PTK2: variants seen among roughly 807,000 people sequenced by gnomAD.
The protein encoded by PTK2 is focal adhesion kinase 1.
Under a neutral mutation model 150.1 loss-of-function variants are expected in PTK2, and 45 were observed. The ratio of observed to expected loss-of-function variants is 0.30; its 90% CI spans 0.24 to 0.38. The LOEUF is 0.38. Among genes scored for constraint, PTK2 ranks in the 10% least tolerant of loss-of-function variants. The pLI is 1.00. For synonymous variants in PTK2, 432 were observed against 449.2 expected, an observed-to-expected ratio of 0.96 and a Z score of 0.48; for missense variants, 919 against 1,307.3, an observed-to-expected ratio of 0.70 and a Z score of 4.58.
At chr8:140,955,578 TGAAA>T (rs1228314690) in intron 1 of PTK2, among the ~76,000 whole-genome samples, 1 of 151,468 alleles carries the variant, frequency 6.6e-6, no homozygotes, top group Non-Finnish European at 1.5e-5. Flanking sequence ...CAGGGAGAAA[TGAAA>T]GAAAAAGTAA....
intron 1 of PTK2, among the ~76,000 whole-genome samples, chr8:140,946,425 A>G (rs2100177726): frequency 2.0e-5 from 3 of 152,174 alleles, no homozygotes; most frequent in South Asian, 4.1e-4. Flanking sequence ...GAGAGAGAAA[A>G]TCCCTACCTA....
At chr8:140,779,863 G>C (rs2100080684) in intron 14 of PTK2, among the ~76,000 whole-genome samples, 1 of 152,024 alleles carries the variant, frequency 6.6e-6, no homozygotes, top group Non-Finnish European at 1.5e-5. Flanking sequence ...TGGGCATGAG[G>C]GTGTGGTGCT....
rs1417251195 is a variant in PTK2, at chr8:140,819,121, C to T, written c.649-101G>A. On this transcript the variant is annotated intron_variant, in intron 8 of 31. Coordinates refer to ENST00000522684, the Ensembl canonical transcript of PTK2. ...CTTTCCTACCAACTACTTACTAACA[C>T]CTACATTCAAATTACTGCCAAAAAG... 2.9e-5 allele frequency: 34 copies of T among 1,176,982 alleles called. No individual in the cohort carries two copies. The Admixed American group carries it at 6.3e-4, about 22-fold the overall frequency. The allele number at this position is 1,176,982 out of a possible 1,614,324, so 72.9% of individuals were successfully genotyped here.
chr8:140,890,853 C>T (rs758426086), intron 2 of PTK2, 84 bp from the exon 3 acceptor site: 48 of 1,151,762 alleles, frequency 4.2e-5, no homozygotes, highest in Non-Finnish European at 1.1e-5. Context: ...TATCAAATGT[C>T]CTATACTCTC....
At chr8:140,851,594 C>T (rs1335097889) in intron 5 of PTK2, among the ~76,000 whole-genome samples, 1 of 152,122 alleles carries the variant, frequency 6.6e-6, no homozygotes, top group Admixed American at 6.5e-5. Context: ...CATGGTGGCT[C>T]ACACCTGTAA....
chr8:140,754,281 T>C (rs2154526889), intron 16 of PTK2, among the ~76,000 whole-genome samples: 1 of 152,358 alleles, frequency 6.6e-6, no homozygotes, highest in East Asian at 1.9e-4. Context: ...GAATACCCTA[T>C]CTACTAAATG....
intron 4 of PTK2, among the ~76,000 whole-genome samples, chr8:140,869,675 C>A (rs909306748): frequency 6.6e-6 from 1 of 151,866 alleles, no homozygotes; most frequent in Non-Finnish European, 1.5e-5. Context: ...AATGGGCACA[C>A]CTCTAATTTA....
chr8:140,740,924 C>T lies in PTK2; in HGVS notation c.1736-1817G>A, dbSNP rs186637200. On this transcript the variant is annotated intron_variant, in intron 20 of 31. Coordinates refer to ENST00000522684, the Ensembl canonical transcript of PTK2. ...TTGGGAGGCCAAGGTGGGAAGATCG[C>T]TTGAGCCCATGAGTTCAAGACCAAT... Among the ~76,000 whole-genome samples, 7 of 150,830 alleles carry T rather than the reference C, an allele frequency of 4.6e-5. No individual in the cohort carries two copies. The East Asian group carries it at 1.4e-3, about 30-fold the overall frequency.
chr8:140,746,835 A>T (rs768063238), exon 18 of PTK2: 2 of 1,612,012 alleles, frequency 1.2e-6, no homozygotes, highest in Non-Finnish European at 8.5e-7. Context: ...TCACAATATG[A>T]GGATGGTCAA....
rs921224519 is a variant in PTK2 at position 140,702,505 on chromosome 8, C to T, written c.2367+65G>A. The T allele has an allele frequency of 7.0e-6, 11 of 1,564,510 alleles. No homozygotes were observed. In the African/African-American group the frequency reaches 1.5e-4, roughly 21 times the overall value. On this transcript the variant is annotated intron_variant, in intron 25 of 31. Coordinates refer to ENST00000522684, the Ensembl canonical transcript of PTK2. Reference sequence around the variant, plus strand: ...AAAGTGCTAGGATTACAAGTGTAAGCCACCATGCCCAGCTTTGCCATGCTT... The same window carrying T: ...AAAGTGCTAGGATTACAAGTGTAAGTCACCATGCCCAGCTTTGCCATGCTT...
intron 7 of PTK2, among the ~76,000 whole-genome samples, chr8:140,833,563 T>C (rs2100116832): frequency 6.6e-6 from 1 of 152,206 alleles, no homozygotes; most frequent in Admixed American, 6.5e-5. Flanking sequence ...CTCCATGATC[T>C]GTGTGTTTGG....
At chr8:140,975,250 C>T (rs993488992) in intron 1 of PTK2, among the ~76,000 whole-genome samples, 2 of 152,176 alleles carry the variant, frequency 1.3e-5, no homozygotes, top group African/African-American at 4.8e-5. Flanking sequence ...ACCTTCCTTA[C>T]TGATCTTGTG....
chr8:140,761,133 G>T, intron 16 of PTK2, 32 bp downstream of exon 19: 1 of 1,403,670 alleles, frequency 7.1e-7, no homozygotes, highest in Non-Finnish European at 1.0e-6. Flanking sequence ...GTCAAAATTA[G>T]TCTAGTTGTT....
intron 2 of PTK2, among the ~76,000 whole-genome samples, chr8:140,915,638 T>C (rs1429332819): frequency 6.6e-6 from 1 of 152,086 alleles, no homozygotes; most frequent in Non-Finnish European, 1.5e-5. Flanking sequence ...GGCTCACGCC[T>C]GTAATCCCAG....
chr8:140,804,058 GATTAA>G (rs2100096852), intron 10 of PTK2, among the ~76,000 whole-genome samples: 1 of 152,136 alleles, frequency 6.6e-6, no homozygotes, highest in Admixed American at 6.5e-5. Flanking sequence ...GGGGATCTGG[GATTAA>G]TCCCCATGCA....
Position 140,784,396 on chromosome 8 carries a change from A to G in PTK2, c.1177+5078T>C, listed in dbSNP as rs151039368. On this transcript the variant is annotated intron_variant, in intron 14 of 31. Transcript: ENST00000522684. ...TACTTCTGGTCATAATTAAGGTTTT[A>G]CTGCTTGATCAAGGGCTTCGTTATT... Among the ~76,000 whole-genome samples the G allele has an allele frequency of 4.5e-3, 685 of 152,290 alleles. 4 individuals are homozygous for G. The highest frequency in any genetic ancestry group is 0.016 in the African/African-American group (648 of 41,566).
At chr8:140,975,368 C>T (rs2100188893) in intron 1 of PTK2, among the ~76,000 whole-genome samples, 1 of 152,160 alleles carries the variant, frequency 6.6e-6, no homozygotes, top group South Asian at 2.1e-4. Context: ...TGCCCAGTAT[C>T]GACTGCATAT....
intron 29 of PTK2, chr8:140,672,256 T>C (rs1344938630): frequency 5.3e-6 from 2 of 374,564 alleles, no homozygotes; most frequent in Admixed American, 3.2e-5. Flanking sequence ...TTCAAACTTC[T>C]GGGCTGAAGT....
intron 26 of PTK2, among the ~76,000 whole-genome samples, chr8:140,695,918 T>A (rs2100026256): frequency 6.6e-6 from 1 of 152,180 alleles, no homozygotes; most frequent in African/African-American, 2.4e-5. Context: ...ATATTAAATT[T>A]TAATTTATTC....
Sources: gnomAD v4.1 joint callset for allele counts (sites outside exome capture counted in the v4.1 genomes callset) on GRCh38, gnomAD v4.1.1 for gene constraint, MANE v1.5 for transcripts, NCBI Gene and HGNC (gene_info 2026-07-23, HGNC 2026-07-21) for gene names.